Variants in UFM1 observed in about 807,000 individuals in gnomAD.
UFM1 encodes ubiquitin-fold modifier 1.
In UFM1, 9 loss-of-function variants were observed where a neutral mutation model predicts 15.4. The ratio of observed to expected loss-of-function variants is 0.59; its 90% CI spans 0.35 to 1.02. The LOEUF (loss-of-function observed/expected upper bound fraction) is 1.02. Ranked by LOEUF, UFM1 falls within the 50% of genes least tolerant of loss-of-function variation. The pLI is 0.02. For missense variants in UFM1, 98 were observed against 104.7 expected, an observed-to-expected ratio of 0.94 and a Z score of 0.28; for synonymous variants, 27 against 36.3, an observed-to-expected ratio of 0.74 and a Z score of 0.92.
At chr13:38,358,859 G>A (rs1879246051) in intron 4 of UFM1, among the ~76,000 whole-genome samples, 1 of 151,992 alleles carries the variant, frequency 6.6e-6, no homozygotes, top group Non-Finnish European at 1.5e-5. Flanking sequence ...TACCTGGAAA[G>A]TTTTAGGTCA....
rs371398883 is a variant in UFM1 at position 38,359,277 on chromosome 13, G to A, written c.158-24G>A. 9.4e-6 allele frequency: 15 copies of A among 1,603,614 alleles called. 1 individual carries two copies. In the South Asian group the frequency reaches 1.1e-4, roughly 12 times the overall value. On this transcript the variant is annotated intron_variant, in intron 4 of 5. Coordinates refer to ENST00000239878, the MANE Select transcript of UFM1 (RefSeq NM_016617.4). The stretch of plus-strand genomic sequence containing the variant: ...CATTTTAGCTTTAGAAATAATGTAT[G>A]TGATTTTACAACTTATTTTCTAGAT...
rs762022567 is a variant in UFM1 at position 38,350,038 on chromosome 13, A to C, written c.42A>C (p.Pro14=). The C allele has an allele frequency of 6.2e-7, 1 of 1,614,130 alleles. No homozygotes were observed. The highest frequency in any genetic ancestry group is 1.1e-5 in the South Asian group (1 of 91,082). Residue 14 remains proline (P), a synonymous_variant, in exon 2 of 6, where the codon CCA becomes CCC. Coordinates refer to ENST00000239878, the MANE Select transcript of UFM1 (RefSeq NM_016617.4). ...TTAAGATCACGCTGACGTCGGACCC[A>C]CGGCTGCCGTACAAAGTGTGAGTAG... ...VSFKITLTSD[P]RLPYKVLSVP... is the part of the protein sequence containing the mutation.
At position 38,358,120 on chromosome 13, in the gene UFM1, A is replaced by C. The variant is rs556026347; in HGVS notation, c.145A>C (p.Ile49Leu). 4.8e-6 allele frequency: 7 copies of C among 1,457,318 alleles called. No homozygotes were observed. The highest frequency in any genetic ancestry group is 6.4e-6 in the Non-Finnish European group (7 of 1,089,756). The allele number at this position is 1,457,318 out of a possible 1,614,324, so 90.3% of individuals were successfully genotyped here. ...TAAAGTTCCTGCTGCAACAAGTGCA[A>C]TTATTACCAATGGTAAGAATTCACT... ...EFKVPAATSA[I>L]ITNDGIGINP... Residue 49 changes from isoleucine to leucine, a missense_variant, in exon 4 of 6, where the codon ATT (isoleucine) becomes CTT (leucine). By Grantham distance (5) the Ile-to-Leu change is conservative (BLOSUM62 2). Transcript: ENST00000239878.
At chr13:38,354,158 C>T (rs575814222) in intron 2 of UFM1, 81 bp from the exon 3 acceptor site, 2 of 1,328,574 alleles carry the variant, frequency 1.5e-6, no homozygotes, top group Admixed American at 1.8e-5. Context: ...AGATTGGCTA[C>T]AGTAGTGGAA....
chr13:38,351,335 C>T (rs765293937), intron 2 of UFM1, among the ~76,000 whole-genome samples: 23 of 152,104 alleles, frequency 1.5e-4, no homozygotes, highest in Non-Finnish European at 7.4e-5. Flanking sequence ...ATTAATAGTA[C>T]CTAGTACTTA....
intron 2 of UFM1, among the ~76,000 whole-genome samples, chr13:38,351,746 A>G (rs1878861682): frequency 6.6e-6 from 1 of 152,210 alleles, no homozygotes; most frequent in Admixed American, 6.5e-5. Context: ...CAATAACATT[A>G]AGAGCCTGGA....
chr13:38,350,186 C>A (rs774130782), intron 2 of UFM1, 131 bp downstream of exon 2: 43 of 1,613,472 alleles, frequency 2.7e-5, no homozygotes, highest in Non-Finnish European at 3.5e-5. Flanking sequence ...TCCTGGCTCG[C>A]GCCCTTCCAG....
chr13:38,350,266 G>A, intron 2 of UFM1: 3 of 1,564,208 alleles, frequency 1.9e-6, no homozygotes, highest in Non-Finnish European at 2.6e-6. Context: ...TGGCAGCTTG[G>A]CCCCGTCACG....
In UFM1 at chr13:38,353,336, G is replaced by A. The variant is rs1172022791; in HGVS notation, c.60-903G>A. On this transcript the variant is annotated intron_variant, in intron 2 of 5. Coordinates refer to ENST00000239878, the MANE Select transcript of UFM1 (RefSeq NM_016617.4). ...AAGTTTCAGTGAGAAATGTTAGCTT[G>A]TAAGTCTCCTCTGCTTTGAAAGATT... 3.9e-5 allele frequency among the ~76,000 whole-genome samples: 6 copies of A among 152,126 alleles called. No homozygotes were observed. The East Asian group carries it at 1.2e-3, about 29-fold the overall frequency.
Position 38,362,729 on chromosome 13 carries a change from A to T in UFM1, c.*1951A>T, listed in dbSNP as rs2140067307. 6.6e-6 allele frequency: 1 copy of T among 152,228 alleles called. No individual in the cohort carries two copies. Among genetic ancestry groups the T allele is most frequent in the South Asian group, 2.1e-4 (1 of 4,832 alleles). 9.4% of individuals were successfully genotyped at this position (152,228 alleles called of 1,614,324 possible). A position where few individuals can be genotyped will look rare whatever the true frequency, so the allele number is the denominator to read the frequency against. On this transcript the variant is annotated 3_prime_UTR_variant, in exon 6 of 6. Coordinates refer to ENST00000239878, the MANE Select transcript of UFM1 (RefSeq NM_016617.4). The stretch of plus-strand genomic sequence containing the variant: ...TTTGCTTTAATTTAGATTTTTCTCC[A>T]TCCTGTTTCTAGCACAAAAATTTGC...
chr13:38,352,412 T>C (rs1447000063), intron 2 of UFM1, among the ~76,000 whole-genome samples: 1 of 152,174 alleles, frequency 6.6e-6, no homozygotes, highest in Non-Finnish European at 1.5e-5. Context: ...TTTTTCTAAT[T>C]GTCCACAGAG....
At chr13:38,352,119 T>G (rs1230568865) in intron 2 of UFM1, among the ~76,000 whole-genome samples, 1 of 78,132 alleles carries the variant, frequency 1.3e-5, no homozygotes, top group African/African-American at 3.8e-5. Context: ...TTTTTTTTTT[T>G]GTGAAACAAA....
chr13:38,350,212 G>T (rs1878768501), intron 2 of UFM1, 157 bp downstream of exon 2: 2 of 1,611,384 alleles, frequency 1.2e-6, no homozygotes, highest in Non-Finnish European at 8.5e-7. Context: ...TTTCCCACCG[G>T]AGCCTGCGAG....
Position 38,350,126 on chromosome 13 carries a change from T to C in UFM1, c.59+71T>C, listed in dbSNP as rs2231332. On this transcript the variant is annotated intron_variant, in intron 2 of 5. Coordinates refer to ENST00000239878, the MANE Select transcript of UFM1 (RefSeq NM_016617.4). ...GGGCTGGGTTGGGGATGATCCGAGC[T>C]TTTCCAACAACTACCCCACGCAGTC... is the stretch of plus-strand genomic sequence containing the variant. The C allele has an allele frequency of 0.95, 1,540,083 of 1,614,116 alleles. 739,928 individuals carry two copies. The highest frequency in any genetic ancestry group is 0.99 in the East Asian group (44,362 of 44,866).
intron 2 of UFM1, among the ~76,000 whole-genome samples, chr13:38,350,880 T>G (rs547383097): frequency 6.6e-6 from 1 of 152,332 alleles, no homozygotes; most frequent in Non-Finnish European, 1.5e-5. Context: ...CCCTTGATCT[T>G]TTCATCTCCA....
chr13:38,360,383 A>T (rs1421245974), intron 5 of UFM1, among the ~76,000 whole-genome samples: 1 of 152,066 alleles, frequency 6.6e-6, no homozygotes, highest in African/African-American at 2.4e-5. Flanking sequence ...TGTCACTTGT[A>T]GTAATTTACA....
chr13:38,361,716 A>C lies in UFM1; in HGVS notation c.*938A>C, dbSNP rs1879397392. 1 of 152,262 alleles carries C rather than the reference A, an allele frequency of 6.6e-6. No individual in the cohort carries two copies. The highest frequency in any genetic ancestry group is 2.4e-5 in the African/African-American group (1 of 41,466). The allele number at this position is 152,262 out of a possible 1,614,324, so 9.4% of individuals were successfully genotyped here. On this transcript the variant is annotated 3_prime_UTR_variant, in exon 6 of 6. Transcript: ENST00000239878. ...AGATCAGTCACCCATGTGAATAAGAAGCCAGGAAAGGAAAGATGGGGAAGC... is the reference window on the plus strand; with the variant it reads ...AGATCAGTCACCCATGTGAATAAGACGCCAGGAAAGGAAAGATGGGGAAGC...
chr13:38,360,265 A>G (rs1879309898), intron 5 of UFM1, among the ~76,000 whole-genome samples: 1 of 152,004 alleles, frequency 6.6e-6, no homozygotes, highest in South Asian at 2.1e-4. Flanking sequence ...TGCTAACTCT[A>G]ACATACTGCT....
At chr13:38,351,743 A>G (rs556163029) in intron 2 of UFM1, among the ~76,000 whole-genome samples, 1 of 152,216 alleles carries the variant, frequency 6.6e-6, no homozygotes, top group Non-Finnish European at 1.5e-5. Flanking sequence ...GGACAATAAC[A>G]TTAAGAGCCT....
Sources: gnomAD v4.1 joint callset for allele counts (sites outside exome capture counted in the v4.1 genomes callset) on GRCh38, gnomAD v4.1.1 for gene constraint, MANE v1.5 for transcripts, NCBI Gene and HGNC (gene_info 2026-07-23, HGNC 2026-07-21) for gene names.